DSCAM: variants seen among roughly 807,000 people sequenced by gnomAD.
DSCAM encodes the protein cell adhesion molecule DSCAM.
Under a neutral mutation model 217.7 loss-of-function variants are expected in DSCAM, and 47 were observed. That is an observed-to-expected ratio of 0.22 (90% CI 0.17 to 0.28). DSCAM has a LOEUF of 0.28. Among genes scored for constraint, DSCAM ranks in the 10% least tolerant of loss-of-function variants. The pLI is 1.00. For synonymous variants in DSCAM, 1,056 were observed against 1,015.3 expected, an observed-to-expected ratio of 1.04 and a Z score of -0.76; for missense variants, 2,080 against 2,618.3, an observed-to-expected ratio of 0.79 and a Z score of 4.49.
chr21:40,620,932 C>T (rs56114838), intron 3 of DSCAM, among the ~76,000 whole-genome samples: 24 of 152,242 alleles, frequency 1.6e-4, no homozygotes, highest in South Asian at 4.1e-4. Flanking sequence ...ATGCGTGTGA[C>T]GACATTGATG....
At chr21:40,634,086 A>G (rs1005831259) in intron 3 of DSCAM, among the ~76,000 whole-genome samples, 1 of 152,208 alleles carries the variant, frequency 6.6e-6, no homozygotes. Context: ...TTATATCCCA[A>G]TATAAAGGAA....
intron 11 of DSCAM, among the ~76,000 whole-genome samples, chr21:40,208,898 A>G (rs553659494): frequency 1.4e-4 from 22 of 152,314 alleles, no homozygotes; most frequent in African/African-American, 5.3e-4. Context: ...TTTGCTGGCA[A>G]TAGGAAGCAT....
intron 11 of DSCAM, among the ~76,000 whole-genome samples, chr21:40,220,976 G>C (rs1019586515): frequency 8.5e-5 from 13 of 152,178 alleles, no homozygotes; most frequent in African/African-American, 2.9e-4. Flanking sequence ...ACCATCCTAG[G>C]AGGTAGCTTT....
intron 11 of DSCAM, among the ~76,000 whole-genome samples, chr21:40,223,452 C>T (rs561848662): frequency 6.6e-6 from 1 of 152,260 alleles, no homozygotes; most frequent in South Asian, 2.1e-4. Context: ...ATATGGGCTT[C>T]CTAAACACAG....
chr21:40,393,820 G>A (rs2075155213), intron 3 of DSCAM, among the ~76,000 whole-genome samples: 1 of 152,130 alleles, frequency 6.6e-6, no homozygotes, highest in South Asian at 2.1e-4. Context: ...TATGAATGTT[G>A]CTAAATTATG....
chr21:40,623,762 C>G (rs1203613378), intron 3 of DSCAM, among the ~76,000 whole-genome samples: 2 of 152,194 alleles, frequency 1.3e-5, no homozygotes, highest in African/African-American at 4.8e-5. Flanking sequence ...CCAGAATAGA[C>G]TTTCATATGT....
chr21:40,710,939 G>A (rs1382188953), intron 1 of DSCAM, among the ~76,000 whole-genome samples: 7 of 152,136 alleles, frequency 4.6e-5, no homozygotes, highest in East Asian at 1.9e-4. Context: ...TCTAACACTC[G>A]AGATGAACAA....
At chr21:40,718,890 C>T (rs761138654) in intron 1 of DSCAM, among the ~76,000 whole-genome samples, 58 of 152,084 alleles carry the variant, frequency 3.8e-4, no homozygotes, top group Non-Finnish European at 7.1e-4. Flanking sequence ...CTTTTGGAGG[C>T]CGAGGTGTGT....
At chr21:40,063,073 G>A (rs2089147833) in intron 27 of DSCAM, among the ~76,000 whole-genome samples, 174 bp from the exon 28 acceptor site, 1 of 151,986 alleles carries the variant, frequency 6.6e-6, no homozygotes, top group East Asian at 1.9e-4. Flanking sequence ...CTTCTAAATG[G>A]GACTTTTAAA....
intron 10 of DSCAM, among the ~76,000 whole-genome samples, chr21:40,295,580 T>C (rs2073945340): frequency 6.6e-6 from 1 of 152,322 alleles, no homozygotes; most frequent in Middle Eastern, 3.4e-3. Flanking sequence ...GTGTAATCTG[T>C]ATATTCTAAG....
intron 3 of DSCAM, among the ~76,000 whole-genome samples, chr21:40,595,372 T>C (rs2016870): frequency 0.34 from 50,066 of 149,396 alleles, 8,534 homozygotes; most frequent in South Asian, 0.46. Flanking sequence ...AGTGAGATCC[T>C]GTCTCAAAAA....
chr21:40,138,859 G>T (rs2090250011), intron 18 of DSCAM, among the ~76,000 whole-genome samples: 1 of 148,526 alleles, frequency 6.7e-6, no homozygotes, highest in South Asian at 2.1e-4. Context: ...TATGTGTGGT[G>T]TGTGTGCATG....
At chr21:40,477,650 C>T (rs898109714) in intron 3 of DSCAM, among the ~76,000 whole-genome samples, 29 of 152,112 alleles carry the variant, frequency 1.9e-4, no homozygotes, top group Non-Finnish European at 8.8e-5. Flanking sequence ...CTGAATTACA[C>T]ACAGTGTTTA....
intron 3 of DSCAM, among the ~76,000 whole-genome samples, chr21:40,683,258 T>C (rs551926850): frequency 3.3e-5 from 5 of 152,192 alleles, no homozygotes; most frequent in Non-Finnish European, 7.3e-5. Flanking sequence ...AGAGAGAAAC[T>C]GGACCAGGAG....
chr21:40,172,866 C>T (rs2090674489), intron 15 of DSCAM, among the ~76,000 whole-genome samples: 1 of 152,180 alleles, frequency 6.6e-6, no homozygotes, highest in Non-Finnish European at 1.5e-5. Flanking sequence ...ACACGTTTGT[C>T]TTCTACAGGA....
chr21:40,559,918 G>A (rs951306635), intron 3 of DSCAM, among the ~76,000 whole-genome samples: 1 of 151,062 alleles, frequency 6.6e-6, no homozygotes, highest in African/African-American at 2.4e-5. Flanking sequence ...TCAGCCTCCC[G>A]AGTAGCTGGG....
At chr21:40,749,967 A>G (rs1385123893) in intron 1 of DSCAM, among the ~76,000 whole-genome samples, 1 of 149,446 alleles carries the variant, frequency 6.7e-6, no homozygotes, top group Non-Finnish European at 1.5e-5. Context: ...GAGACATGTT[A>G]CCCAGGCTGG....
chr21:40,292,159 T>C (rs940228329), intron 10 of DSCAM, among the ~76,000 whole-genome samples: 2 of 149,696 alleles, frequency 1.3e-5, no homozygotes, highest in African/African-American at 4.9e-5. Flanking sequence ...TTTGTGTATC[T>C]AGACCCAAGG....
At chr21:40,512,615 ATTAT>A (rs1568866181) in intron 3 of DSCAM, among the ~76,000 whole-genome samples, 1 of 151,960 alleles carries the variant, frequency 6.6e-6, no homozygotes, top group Non-Finnish European at 1.5e-5. Context: ...TTGACTTCTG[ATTAT>A]TTGATTAATC....
Sources: allele counts gnomAD v4.1 joint callset (sites outside exome capture counted in the v4.1 genomes callset), GRCh38; gene constraint gnomAD v4.1.1; transcripts MANE v1.5; gene names NCBI Gene and HGNC (gene_info 2026-07-23, HGNC 2026-07-21).